VPS8: variants seen among roughly 807,000 people sequenced by gnomAD.
VPS8 encodes the protein vacuolar protein sorting-associated protein 8 homolog.
VPS8 carries 129 observed loss-of-function variants against 216.4 expected under a neutral mutation model. The observed-to-expected ratio is 0.60, with a 90% CI of 0.52 to 0.69. The LOEUF (loss-of-function observed/expected upper bound fraction) is 0.69, where lower values mean the gene tolerates loss of function less well. VPS8 is among the 30% of genes least tolerant of loss of function. The pLI is 0.00. For synonymous variants in VPS8, 571 were observed against 565.4 expected (o/e 1.01, Z -0.14); for missense variants, 1,531 against 1,683.5 (o/e 0.91, Z 1.59).
intron 45 of VPS8, 79 bp from the exon 46 acceptor site, chr3:185,024,257 T>G (rs1167049972): frequency 3.6e-5 from 45 of 1,258,702 alleles, no homozygotes; most frequent in Non-Finnish European, 4.5e-5. Context: ...CCAATTCTAG[T>G]TGAATTATTT....
At chr3:184,834,168 A>G (rs1450444254) in intron 4 of VPS8, among the ~76,000 whole-genome samples, 1 of 152,182 alleles carries the variant, frequency 6.6e-6, no homozygotes, top group Non-Finnish European at 1.5e-5. Context: ...CAGTAGGGTA[A>G]TGTAGACTTG....
At chr3:185,009,985 C>CA (rs11367805) in intron 45 of VPS8, among the ~76,000 whole-genome samples, 1,264 of 91,340 alleles carry the variant, frequency 0.014, 15 homozygotes, top group African/African-American at 0.037. Context: ...ACTTCAGGTC[C>CA]AAAAAAAAAA....
At chr3:184,919,498 T>A (rs948779442) in intron 28 of VPS8, among the ~76,000 whole-genome samples, 1 of 152,216 alleles carries the variant, frequency 6.6e-6, no homozygotes. Flanking sequence ...ACAAACAGAA[T>A]CTGGTATTGT....
intron 40 of VPS8, among the ~76,000 whole-genome samples, chr3:184,974,303 G>A (rs538704595): frequency 2.0e-5 from 3 of 152,146 alleles, no homozygotes; most frequent in South Asian, 4.1e-4. Flanking sequence ...GGTTACCGAC[G>A]TTGGAAGATT....
intron 46 of VPS8, among the ~76,000 whole-genome samples, chr3:185,041,864 G>C (rs1417121577): frequency 6.6e-6 from 1 of 152,188 alleles, no homozygotes; most frequent in Non-Finnish European, 1.5e-5. Flanking sequence ...AGCCCTGAAA[G>C]CTCCCACTTC....
At chr3:185,023,597 G>A (rs1193906271) in intron 45 of VPS8, among the ~76,000 whole-genome samples, 1 of 152,086 alleles carries the variant, frequency 6.6e-6, no homozygotes, top group Non-Finnish European at 1.5e-5. Context: ...GGCGGAGGTT[G>A]CAATGAGCCA....
chr3:184,833,798 C>G (rs890983055), intron 4 of VPS8, among the ~76,000 whole-genome samples: 3 of 152,194 alleles, frequency 2.0e-5, no homozygotes, highest in African/African-American at 7.2e-5. Flanking sequence ...TCAAATTAGT[C>G]ATCTTCTCTT....
At chr3:184,965,615 AC>A (rs1283721252) in intron 38 of VPS8, among the ~76,000 whole-genome samples, 1 of 152,260 alleles carries the variant, frequency 6.6e-6, no homozygotes, top group Non-Finnish European at 1.5e-5. Flanking sequence ...TTTGTTGGAC[AC>A]GCTAAAGAAT....
chr3:185,043,807 G>T (rs1712240156), intron 46 of VPS8, among the ~76,000 whole-genome samples: 1 of 152,194 alleles, frequency 6.6e-6, no homozygotes, highest in South Asian at 2.1e-4. Context: ...AAGGAGGGCA[G>T]GTGTCCGTCA....
chr3:185,005,473 A>T (rs908812044), intron 45 of VPS8, among the ~76,000 whole-genome samples: 4 of 152,076 alleles, frequency 2.6e-5, no homozygotes, highest in Admixed American at 1.3e-4. Flanking sequence ...CAGTATGGTC[A>T]TTTTCACAAT....
intron 47 of VPS8, among the ~76,000 whole-genome samples, chr3:185,050,808 T>C (rs950599616): frequency 4.6e-5 from 7 of 152,032 alleles, no homozygotes; most frequent in Non-Finnish European, 8.8e-5. Context: ...AGCTGTACAC[T>C]CCCCATGGAC....
At chr3:184,985,320 G>C (rs114676698) in intron 42 of VPS8, among the ~76,000 whole-genome samples, 6 of 152,090 alleles carry the variant, frequency 3.9e-5, no homozygotes, top group African/African-American at 1.2e-4. Flanking sequence ...CCTAATTCAC[G>C]TTCTTTTTTA....
chr3:184,973,320 T>C (rs1748737085), intron 40 of VPS8, among the ~76,000 whole-genome samples: 1 of 152,206 alleles, frequency 6.6e-6, no homozygotes, highest in African/African-American at 2.4e-5. Context: ...TTAGTAAAAT[T>C]GCATTAAATA....
chr3:184,905,844 T>C (rs1414426466), intron 25 of VPS8, among the ~76,000 whole-genome samples: 1 of 152,118 alleles, frequency 6.6e-6, no homozygotes, highest in Non-Finnish European at 1.5e-5. Context: ...TGAAGAGGTT[T>C]TTTTTTAACC....
intron 5 of VPS8, among the ~76,000 whole-genome samples, chr3:184,836,928 G>A (rs1476228584): frequency 6.6e-6 from 1 of 152,116 alleles, no homozygotes; most frequent in Non-Finnish European, 1.5e-5. Context: ...ATAATTCAAA[G>A]TAACTTTTTT....
At chr3:184,890,278 TAATAC>T (rs1468168608) in intron 22 of VPS8, among the ~76,000 whole-genome samples, 2 of 152,218 alleles carry the variant, frequency 1.3e-5, no homozygotes, top group Admixed American at 1.3e-4. Context: ...AGATTTTGCA[TAATAC>T]AAACACAGTC....
chr3:184,999,915 T>A (rs2291737), intron 45 of VPS8, 54 bp downstream of exon 45: 2 of 1,535,870 alleles, frequency 1.3e-6, no homozygotes, highest in South Asian at 2.6e-5. Flanking sequence ...CCAATGTCAT[T>A]TGGGCCTGGT....
chr3:185,007,338 T>C (rs902760858), intron 45 of VPS8, among the ~76,000 whole-genome samples: 8 of 152,230 alleles, frequency 5.3e-5, no homozygotes, highest in African/African-American at 1.7e-4. Context: ...AGAACATTAC[T>C]CACTTACATT....
intron 36 of VPS8, among the ~76,000 whole-genome samples, chr3:184,946,489 G>T: frequency 6.6e-6 from 1 of 152,150 alleles, no homozygotes; most frequent in Non-Finnish European, 1.5e-5. Context: ...AACCAGCCTG[G>T]CTTCCTTTTC....
Sources: gnomAD v4.1 joint callset for allele counts (sites outside exome capture counted in the v4.1 genomes callset) on GRCh38, gnomAD v4.1.1 for gene constraint, MANE v1.5 for transcripts, NCBI Gene and HGNC (gene_info 2026-07-23, HGNC 2026-07-21) for gene names.